The following OLAH variants were observed in gnomAD, a reference collection of about 807,000 sequenced individuals.
OLAH encodes the protein S-acyl fatty acid synthase thioesterase, medium chain.
Under a neutral mutation model 27.8 loss-of-function variants are expected in OLAH, and 33 were observed. The observed-to-expected ratio is 1.19, with a 90% CI of 0.90 to 1.59. OLAH has a LOEUF of 1.59. Ranked by LOEUF, OLAH falls within the 40% of genes most tolerant of loss-of-function variation. The pLI, the probability that OLAH is intolerant of heterozygous loss-of-function variation, is 0.00. For synonymous variants in OLAH, 120 were observed against 102.9 expected (o/e 1.17, Z -1.01); for missense variants, 359 against 310.8 (o/e 1.16, Z -1.17).
At chr10:15,062,363 G>A (rs1433831157) in intron 4 of OLAH, among the ~76,000 whole-genome samples, 1 of 151,938 alleles carries the variant, frequency 6.6e-6, no homozygotes, top group East Asian at 1.9e-4. Flanking sequence ...ATAAATTTTG[G>A]CTATTATATA....
At position 15,073,108 on chromosome 10, in the gene OLAH, G is replaced by A. The variant is rs139895854; in HGVS notation, c.677G>A (p.Gly226Glu). 21 of 1,613,028 alleles carry A rather than the reference G, an allele frequency of 1.3e-5. No individual in the cohort carries two copies. Among genetic ancestry groups the A allele is most frequent in the Non-Finnish European group, 1.7e-5 (20 of 1,179,736 alleles). The change falls in exon 8 of 8, where the codon GGA becomes GAA. Residue 226 changes from glycine to glutamate, a missense_variant. Transcript: ENST00000378228. ...TCAGCCTGGAAAGATGTAACCAGTGGAAATGCTAAAATTTACCAGCTTCCA... is the reference window on the plus strand; with the variant it reads ...TCAGCCTGGAAAGATGTAACCAGTGAAAATGCTAAAATTTACCAGCTTCCA... ...DMEAWKDVTS[G>E]NAKIYQLPGG...
intron 3 of OLAH, among the ~76,000 whole-genome samples, chr10:15,053,653 A>G (rs1844188466): frequency 6.6e-6 from 1 of 152,098 alleles, no homozygotes. Flanking sequence ...CTCTCAAGTC[A>G]TCCACTTAGC....
At chr10:15,061,484 T>C (rs1302335876) in intron 3 of OLAH, among the ~76,000 whole-genome samples, 3 of 152,254 alleles carry the variant, frequency 2.0e-5, no homozygotes, top group African/African-American at 7.2e-5. Context: ...TCCTTTGTTT[T>C]TTTTTTTCTT....
chr10:15,051,829 C>G (rs954845178), intron 3 of OLAH, among the ~76,000 whole-genome samples: 3 of 152,058 alleles, frequency 2.0e-5, no homozygotes, highest in African/African-American at 7.2e-5. Context: ...GGATGGTGAG[C>G]TTTTTCTGTA....
At chr10:15,070,324 TC>T (rs1844558978) in intron 6 of OLAH, among the ~76,000 whole-genome samples, 1 of 152,128 alleles carries the variant, frequency 6.6e-6, no homozygotes, top group African/African-American at 2.4e-5. Context: ...AGGATAGAAG[TC>T]CAGTTTGATC....
At chr10:15,070,932 C>T (rs891333804) in intron 6 of OLAH, among the ~76,000 whole-genome samples, 5 of 151,914 alleles carry the variant, frequency 3.3e-5, no homozygotes, top group South Asian at 2.1e-4. Context: ...ACTACAAGTA[C>T]ATGACACCAC....
Position 15,071,877 on chromosome 10 carries a change from G to T in OLAH, c.655G>T (p.Ala219Ser). The T allele has an allele frequency of 1.2e-6, 2 of 1,606,318 alleles. No homozygotes were observed. Among genetic ancestry groups the T allele is most frequent in the Non-Finnish European group, 1.7e-6 (2 of 1,173,288 alleles). The change falls in exon 7 of 8, where the codon GCC (alanine) becomes TCC (serine). Residue 219 changes from alanine (A) to serine (S), a missense_variant and splice_region_variant. Ala to Ser is a moderately conservative substitution (Grantham distance 99, BLOSUM62 1). Coordinates refer to ENST00000378228, the MANE Select transcript of OLAH (RefSeq NM_001039702.3). ...TGAAGACATAGCAAAGGACATGGAA[G>T]GTGAAATTATTTTTAGTCTCGAGTA... ...GSEDIAKDME[A>S]WKDVTSGNAK... is the part of the protein sequence containing the mutation.
chr10:15,048,645 GC>G (rs1020140988), intron 2 of OLAH, among the ~76,000 whole-genome samples: 51 of 152,202 alleles, frequency 3.4e-4, no homozygotes, highest in African/African-American at 1.1e-3. Flanking sequence ...GATTGAAGCT[GC>G]CCATGAACGG....
chr10:15,054,451 A>G (rs972780725), intron 3 of OLAH, among the ~76,000 whole-genome samples: 2 of 152,164 alleles, frequency 1.3e-5, no homozygotes, highest in Non-Finnish European at 2.9e-5. Context: ...TTCCTTCTGC[A>G]AGAATTGAGG....
chr10:15,045,030 C>G (rs1843988805), intron 1 of OLAH, among the ~76,000 whole-genome samples: 1 of 152,146 alleles, frequency 6.6e-6, no homozygotes, highest in South Asian at 2.1e-4. Flanking sequence ...CTTCTCTCGT[C>G]TGGTACTTCA....
At chr10:15,037,356 G>A (rs532443753) in intron 1 of OLAH, among the ~76,000 whole-genome samples, 4 of 152,014 alleles carry the variant, frequency 2.6e-5, no homozygotes, top group East Asian at 3.9e-4. Flanking sequence ...TAAGGCAGGC[G>A]GATCACCTGA....
At chr10:15,047,057 A>G in intron 1 of OLAH, 69 bp from the exon 2 acceptor site, 1 of 464,522 alleles carries the variant, frequency 2.2e-6, no homozygotes, top group Non-Finnish European at 3.9e-6. Context: ...CTTTGTCATC[A>G]CCACTGTCAT....
At chr10:15,063,659 GT>G (rs1228300022) in intron 4 of OLAH, among the ~76,000 whole-genome samples, 9 of 152,224 alleles carry the variant, frequency 5.9e-5, no homozygotes, top group African/African-American at 2.2e-4. Context: ...AAGAGCTTTT[GT>G]TTATATGTGA....
chr10:15,056,571 T>TC (rs2131358716), intron 3 of OLAH, among the ~76,000 whole-genome samples: 1 of 152,280 alleles, frequency 6.6e-6, no homozygotes, highest in Non-Finnish European at 1.5e-5. Flanking sequence ...CTTGTCTTTT[T>TC]CTCACTGACA....
At chr10:15,039,329 G>A (rs796426425), upstream of OLAH, among the ~76,000 whole-genome samples, 17 of 152,224 alleles carry the variant, frequency 1.1e-4, no homozygotes, top group African/African-American at 4.1e-4. Flanking sequence ...TGTAATCCCA[G>A]CACTTTGGGA....
chr10:15,064,400 T>G lies in OLAH; in HGVS notation c.303-3T>G, dbSNP rs748263204. 6.4e-7 allele frequency: 1 copy of G among 1,567,080 alleles called. No individual in the cohort carries two copies. The highest frequency in any genetic ancestry group is 1.2e-5 in the South Asian group (1 of 86,122). On this transcript the variant is annotated splice_region_variant and splice_polypyrimidine_tract_variant and intron_variant, in intron 4 of 7. Coordinates refer to ENST00000378228, the MANE Select transcript of OLAH (RefSeq NM_001039702.3). Reference sequence around the variant, plus strand: ...TTGTCATGTTTTTCTTTGCTGAATTTAGTATGGGATCCTACATTGCTTTTA... The same window carrying G: ...TTGTCATGTTTTTCTTTGCTGAATTGAGTATGGGATCCTACATTGCTTTTA...
intron 3 of OLAH, among the ~76,000 whole-genome samples, chr10:15,059,386 C>T (rs1013874912): frequency 1.3e-5 from 2 of 151,492 alleles, no homozygotes; most frequent in Non-Finnish European, 2.9e-5. Context: ...GATAAGGTCT[C>T]ACTTCATTGC....
chr10:15,065,660 G>T lies in OLAH; in HGVS notation c.479G>T (p.Gly160Val), dbSNP rs763378589. ...ATAAGTCATTACCTTATGGAATTTG[G>T]AGGCACCCCCAAGCATTTTGCTGAA... ...EQISHYLMEF[G>V]GTPKHFAEAK... is the part of the protein sequence containing the mutation. The change falls in exon 6 of 8, where the codon GGA becomes GTA. Residue 160 changes from glycine to valine, a missense_variant. Transcript: ENST00000378228. The T allele has an allele frequency of 1.2e-6, 2 of 1,614,106 alleles. No homozygotes were observed. The highest frequency in any genetic ancestry group is 1.7e-6 in the Non-Finnish European group (2 of 1,180,004).
At chr10:15,036,385 C>T (rs565928232) in intron 1 of OLAH, among the ~76,000 whole-genome samples, 132 of 152,182 alleles carry the variant, frequency 8.7e-4, no homozygotes, top group African/African-American at 3.1e-3. Flanking sequence ...GTAATCCCAG[C>T]GATTTGGGAA....
Sources: gnomAD v4.1 joint callset for allele counts (sites outside exome capture counted in the v4.1 genomes callset) on GRCh38, gnomAD v4.1.1 for gene constraint, MANE v1.5 for transcripts, NCBI Gene and HGNC (gene_info 2026-07-23, HGNC 2026-07-21) for gene names.